TNS3: variants seen among roughly 807,000 people sequenced by gnomAD.
TNS3 encodes tensin 3.
A neutral mutation model predicts 140.9 loss-of-function variants in TNS3; 45 were observed. The observed-to-expected ratio is 0.32, with a 90% CI of 0.25 to 0.41. TNS3 has a LOEUF of 0.41. Ranked by LOEUF, TNS3 falls within the 10% of genes least tolerant of loss-of-function variation. The pLI, the probability that TNS3 is intolerant of heterozygous loss-of-function variation, is 1.00. For missense variants in TNS3, 1,716 were observed against 1,906.7 expected (o/e 0.90, Z 1.86); for synonymous variants, 815 against 788.4 (o/e 1.03, Z -0.56).
chr7:47,540,836 C>T (rs569173978), intron 1 of TNS3, among the ~76,000 whole-genome samples: 1 of 152,248 alleles, frequency 6.6e-6, no homozygotes, highest in East Asian at 1.9e-4. Context: ...AGACAGGGCT[C>T]AAGAAGCAAG....
chr7:47,453,420 C>A (rs914626963), intron 4 of TNS3, among the ~76,000 whole-genome samples: 3 of 152,174 alleles, frequency 2.0e-5, no homozygotes, highest in African/African-American at 7.2e-5. Context: ...AGGTTACTCA[C>A]CTCTGTATCC....
intron 4 of TNS3, among the ~76,000 whole-genome samples, chr7:47,468,927 T>G (rs76879529): frequency 2.0e-5 from 3 of 151,898 alleles, no homozygotes; most frequent in Non-Finnish European, 4.4e-5. Context: ...AAAACACAAA[T>G]AAAGCTGCAC....
intron 20 of TNS3, among the ~76,000 whole-genome samples, chr7:47,329,199 C>G (rs1427999799): frequency 2.0e-5 from 3 of 152,204 alleles, no homozygotes; most frequent in Non-Finnish European, 4.4e-5. Flanking sequence ...TCAGGGTTTT[C>G]ACAAGGGGAA....
chr7:47,367,455 G>A (rs1254733074), intron 17 of TNS3, among the ~76,000 whole-genome samples: 1 of 152,206 alleles, frequency 6.6e-6, no homozygotes, highest in Non-Finnish European at 1.5e-5. Flanking sequence ...TAGTGCTGCT[G>A]TAACCCAGGC....
At chr7:47,358,800 A>T (rs1790154115) in intron 17 of TNS3, among the ~76,000 whole-genome samples, 1 of 152,188 alleles carries the variant, frequency 6.6e-6, no homozygotes, top group African/African-American at 2.4e-5. Flanking sequence ...CCACCCTGAC[A>T]GAGGGAGAGA....
intron 17 of TNS3, among the ~76,000 whole-genome samples, chr7:47,351,276 G>T (rs1397342000): frequency 6.6e-6 from 1 of 152,182 alleles, no homozygotes; most frequent in East Asian, 1.9e-4. Context: ...TCCCATGTCT[G>T]ATAGCCATAT....
At chr7:47,550,962 T>C (rs1204411435) in intron 1 of TNS3, among the ~76,000 whole-genome samples, 2 of 152,128 alleles carry the variant, frequency 1.3e-5, no homozygotes, top group African/African-American at 4.8e-5. Context: ...AGAATTTTGC[T>C]GTGGAGTGAC....
At chr7:47,535,103 G>T (rs1230821395) in intron 1 of TNS3, among the ~76,000 whole-genome samples, 1 of 152,142 alleles carries the variant, frequency 6.6e-6, no homozygotes, top group African/African-American at 2.4e-5. Context: ...CAATTTCCTA[G>T]ATGCAGGACA....
chr7:47,390,248 TC>T (rs1364941431), intron 16 of TNS3, among the ~76,000 whole-genome samples: 1 of 152,218 alleles, frequency 6.6e-6, no homozygotes, highest in African/African-American at 2.4e-5. Flanking sequence ...AATTTCCAAA[TC>T]TTAAAACCCA....
At chr7:47,493,209 A>G (rs574420980) in intron 3 of TNS3, among the ~76,000 whole-genome samples, 14 of 152,296 alleles carry the variant, frequency 9.2e-5, no homozygotes, top group Non-Finnish European at 1.9e-4. Flanking sequence ...AATAGCACAA[A>G]TAAGTGAGCT....
intron 10 of TNS3, among the ~76,000 whole-genome samples, chr7:47,417,198 G>A (rs35894636): frequency 0.064 from 9,726 of 152,338 alleles, 443 homozygotes; most frequent in Non-Finnish European, 0.095. Flanking sequence ...TAAGCCCAGA[G>A]TTAGCGCCAA....
intron 3 of TNS3, among the ~76,000 whole-genome samples, chr7:47,490,116 C>T (rs545963803): frequency 3.9e-5 from 6 of 152,208 alleles, no homozygotes; most frequent in Admixed American, 2.6e-4. Context: ...GTTGATGAAC[C>T]GTCTTTTTAT....
In TNS3 at chr7:47,309,965, G is replaced by C. The variant is rs1444323576; in HGVS notation, c.2651-4962C>G. On this transcript the variant is annotated intron_variant, in intron 20 of 30. Coordinates refer to ENST00000311160, the MANE Select transcript of TNS3 (RefSeq NM_022748.12). ...AGGGCTTACTGGGCCAAAACCTCCAGGGAAGGGAGCAGGAGATCCATGGCC... is the reference window on the plus strand; with the variant it reads ...AGGGCTTACTGGGCCAAAACCTCCACGGAAGGGAGCAGGAGATCCATGGCC... Among the ~76,000 whole-genome samples the C allele has an allele frequency of 2.0e-5, 3 of 152,340 alleles. No individual in the cohort carries two copies. In the East Asian group the frequency reaches 5.8e-4, roughly 29 times the overall value.
At chr7:47,440,971 G>A (rs900694670) in intron 5 of TNS3, among the ~76,000 whole-genome samples, 5 of 152,056 alleles carry the variant, frequency 3.3e-5, no homozygotes, top group African/African-American at 1.2e-4. Context: ...GCTAACCTCT[G>A]TCCATCAATA....
At chr7:47,419,504 T>C (rs1317635120) in intron 10 of TNS3, among the ~76,000 whole-genome samples, 2 of 152,208 alleles carry the variant, frequency 1.3e-5, no homozygotes, top group African/African-American at 4.8e-5. Context: ...AAACTAACTT[T>C]AGGAGAAAGT....
chr7:47,548,481 G>C (rs1799980440), intron 1 of TNS3, among the ~76,000 whole-genome samples: 1 of 152,158 alleles, frequency 6.6e-6, no homozygotes, highest in African/African-American at 2.4e-5. Flanking sequence ...GCCATAGCCT[G>C]TCAGACCCAG....
chr7:47,520,174 T>C (rs1272280643), intron 2 of TNS3, among the ~76,000 whole-genome samples: 1 of 152,138 alleles, frequency 6.6e-6, no homozygotes, highest in Admixed American at 6.5e-5. Context: ...CCAGGGTTGC[T>C]GATACCCACG....
At position 47,481,097 on chromosome 7, in the gene TNS3, G is replaced by A. The variant is rs1423756105; in HGVS notation, c.-76+6C>T. 27 of 1,289,646 alleles carry A rather than the reference G, an allele frequency of 2.1e-5. No individual in the cohort carries two copies. The highest frequency in any genetic ancestry group is 2.7e-5 in the Non-Finnish European group (27 of 988,854). 79.9% of individuals were successfully genotyped at this position (1,289,646 alleles called of 1,614,324 possible). A position where few individuals can be genotyped will look rare whatever the true frequency, so the allele number is the denominator to read the frequency against. On this transcript the variant is annotated splice_donor_region_variant and intron_variant, in intron 4 of 30. Coordinates refer to ENST00000311160, the MANE Select transcript of TNS3 (RefSeq NM_022748.12). ...CAAGGGAGCCAAAGAAATGCAAAGG[G>A]CTTACCTGTTCCAGTCGGACTTGCA...
chr7:47,321,673 T>C (rs950455018), intron 20 of TNS3, among the ~76,000 whole-genome samples: 1 of 152,202 alleles, frequency 6.6e-6, no homozygotes, highest in Non-Finnish European at 1.5e-5. Context: ...CCTCTGCCCA[T>C]AATTACTCCT....
Sources: allele counts gnomAD v4.1 joint callset (sites outside exome capture counted in the v4.1 genomes callset), GRCh38; gene constraint gnomAD v4.1.1; transcripts MANE v1.5; gene names NCBI Gene and HGNC (gene_info 2026-07-23, HGNC 2026-07-21).